Variants in CREB3L4 observed in about 807,000 individuals in gnomAD.
CREB3L4 encodes cAMP responsive element binding protein 3 like 4.
A neutral mutation model predicts 37.0 loss-of-function variants in CREB3L4; 28 were observed. The observed-to-expected ratio is 0.76, with a 90% CI of 0.56 to 1.04. The LOEUF (loss-of-function observed/expected upper bound fraction) is 1.04, where lower values mean the gene tolerates loss of function less well. Among genes scored for constraint, CREB3L4 ranks in the 50% least tolerant of loss-of-function variants. The pLI is 0.00. For synonymous variants in CREB3L4, 175 were observed against 192.2 expected, an observed-to-expected ratio of 0.91 and a Z score of 0.74; for missense variants, 462 against 486.0, an observed-to-expected ratio of 0.95 and a Z score of 0.46.
chr1:153,971,380 T>G (rs1302542467), intron 4 of CREB3L4, among the ~76,000 whole-genome samples: 3 of 151,470 alleles, frequency 2.0e-5, no homozygotes, highest in Non-Finnish European at 4.4e-5. Flanking sequence ...AAAAAAAAAG[T>G]CTGATGCCCC....
At position 153,974,129 on chromosome 1, in the gene CREB3L4, T is replaced by C. The variant is rs1350953770; in HGVS notation, c.*64T>C. ...GGAATCCTGGGCTTCCTTATGGCTTTGCTTCCCACTGGGATTCCTACTTAG... is the reference window on the plus strand; with the variant it reads ...GGAATCCTGGGCTTCCTTATGGCTTCGCTTCCCACTGGGATTCCTACTTAG... On this transcript the variant is annotated 3_prime_UTR_variant, in exon 10 of 10. Transcript: ENST00000368607. 99 of 1,492,206 alleles carry C rather than the reference T, an allele frequency of 6.6e-5. No homozygotes were observed. The highest frequency in any genetic ancestry group is 9.1e-5 in the Non-Finnish European group (99 of 1,093,874). The allele number at this position is 1,492,206 out of a possible 1,614,324, so 92.4% of individuals were successfully genotyped here.
intron 4 of CREB3L4, 111 bp from the exon 5 acceptor site, chr1:153,972,633 C>T: frequency 2.6e-6 from 2 of 780,440 alleles, no homozygotes; most frequent in Non-Finnish European, 4.2e-6. Context: ...AAAGTTGTCT[C>T]CCAGTGAGGA....
In CREB3L4 at chr1:153,972,774, G is replaced by A; in HGVS notation, c.574G>A (p.Glu192Lys). The A allele has an allele frequency of 6.2e-7, 1 of 1,613,876 alleles. No homozygotes were observed. The highest frequency in any genetic ancestry group is 2.2e-5 in the East Asian group (1 of 44,862). The change falls in exon 5 of 10, where the codon GAG becomes AAG. Residue 192 changes from glutamate (E) to lysine (K), a missense_variant. Physicochemically the swap from Glu to Lys is moderately conservative, Grantham distance 56 (BLOSUM62 1). Transcript: ENST00000368607. ...LPCQTLFLTD[E>K]EKRLLGQEGV... is the part of the protein sequence containing the mutation. ...CTGTCAAACCCTGTTCCTGACCGAT[G>A]AGGAGAAGCGTCTGCTGGGGCAGGA...
chr1:153,973,498 A>C (rs1648608015), intron 8 of CREB3L4, 34 bp downstream of exon 8: 1 of 1,593,414 alleles, frequency 6.3e-7, no homozygotes, highest in Non-Finnish European at 8.6e-7. Flanking sequence ...ATCTCCCCCC[A>C]CACTTCTATC....
chr1:153,969,547 T>G, intron 4 of CREB3L4, 92 bp downstream of exon 4: 2 of 1,468,330 alleles, frequency 1.4e-6, no homozygotes, highest in African/African-American at 1.4e-5. Context: ...AAACTGATGA[T>G]GAACTGCCTT....
Position 153,968,923 on chromosome 1 carries a change from A to G in CREB3L4, c.175-7A>G. 6.2e-7 allele frequency: 1 copy of G among 1,601,126 alleles called. No homozygotes were observed. Among genetic ancestry groups the G allele is most frequent in the Non-Finnish European group, 8.5e-7 (1 of 1,173,284 alleles). On this transcript the variant is annotated splice_polypyrimidine_tract_variant and splice_region_variant and intron_variant, in intron 2 of 9. Coordinates refer to ENST00000368607, the MANE Select transcript of CREB3L4 (RefSeq NM_001255978.2). Reference sequence around the variant, plus strand: ...CTGCACATATATATAACCTTTTCCTACTGTAGGGCCTTCAAGAGAGTGAGC... The same window carrying G: ...CTGCACATATATATAACCTTTTCCTGCTGTAGGGCCTTCAAGAGAGTGAGC...
At chr1:153,970,723 C>T (rs1358241556) in intron 4 of CREB3L4, among the ~76,000 whole-genome samples, 1 of 145,334 alleles carries the variant, frequency 6.9e-6, no homozygotes, top group Admixed American at 7.0e-5. Context: ...AGAAGCCAAG[C>T]TAAGCATCTT....
chr1:153,971,985 G>A lies in CREB3L4; in HGVS notation c.544-759G>A, dbSNP rs534939272. Among the ~76,000 whole-genome samples the A allele has an allele frequency of 1.1e-3, 169 of 152,170 alleles. 1 individual carries two copies. Among genetic ancestry groups the A allele is most frequent in the African/African-American group, 3.4e-3 (143 of 41,520 alleles). ...TTACAAGCACCCACCACCACGCCCTGCTAATTTTTGTATTTTCAATAGACA... is the reference window on the plus strand; with the variant it reads ...TTACAAGCACCCACCACCACGCCCTACTAATTTTTGTATTTTCAATAGACA... On this transcript the variant is annotated intron_variant, in intron 4 of 9. Transcript: ENST00000368607.
At chr1:153,972,616 CTAGAT>C in intron 4 of CREB3L4, 123 bp from the exon 5 acceptor site, 1 of 682,572 alleles carries the variant, frequency 1.5e-6, no homozygotes. Flanking sequence ...CACCTCACCT[CTAGAT>C]TAAAGTTGTC....
At chr1:153,971,974 C>T (rs1648422588) in intron 4 of CREB3L4, among the ~76,000 whole-genome samples, 1 of 152,130 alleles carries the variant, frequency 6.6e-6, no homozygotes, top group African/African-American at 2.4e-5. Context: ...AAGCACCCAC[C>T]ACCACGCCCT....
rs752020718 is a variant in CREB3L4, at chr1:153,974,026, T to G, written c.1149T>G (p.Ser383Arg). 1 of 1,614,082 alleles carries G rather than the reference T, an allele frequency of 6.2e-7. No homozygotes were observed. The highest frequency in any genetic ancestry group is 2.2e-5 in the East Asian group (1 of 44,868). Residue 383 changes from serine (S) to arginine (R), a missense_variant, in exon 10 of 10, where the codon AGT (serine) becomes AGG (arginine). Physicochemically the swap from Ser to Arg is moderately radical, Grantham distance 110 (BLOSUM62 -1). Coordinates refer to ENST00000368607, the MANE Select transcript of CREB3L4 (RefSeq NM_001255978.2). ...LEKMGGKPRP[S>R]GRIRSVLHAD... Reference sequence around the variant, plus strand: ...AGATGGGAGGGAAGCCAAGACCCAGTGGGCGCATCCGGTCCGTGCTGCATG... The same window carrying G: ...AGATGGGAGGGAAGCCAAGACCCAGGGGGCGCATCCGGTCCGTGCTGCATG...
At chr1:153,971,672 G>A (rs990253743) in intron 4 of CREB3L4, among the ~76,000 whole-genome samples, 1 of 147,748 alleles carries the variant, frequency 6.8e-6, no homozygotes, top group Non-Finnish European at 1.5e-5. Context: ...TGGACTGGAA[G>A]AGACACTCCT....
At position 153,969,385 on chromosome 1, in the gene CREB3L4, T is replaced by C. The variant is rs540064104; in HGVS notation, c.473T>C (p.Leu158Pro). ...CCTGATTCCTGCATGGTCAGTGAGC[T>C]GCCCTTTGATGCTCATGCCCACATC... ...MVPDSCMVSE[L>P]PFDAHAHILP... The change falls in exon 4 of 10, where the codon CTG becomes CCG. Residue 158 changes from leucine to proline, a missense_variant. Leu to Pro is a moderately conservative substitution (Grantham distance 98). Transcript: ENST00000368607. The C allele has an allele frequency of 6.2e-7, 1 of 1,614,172 alleles. No homozygotes were observed. The highest frequency in any genetic ancestry group is 1.3e-5 in the African/African-American group (1 of 75,050).
intron 1 of CREB3L4, 125 bp from the exon 2 acceptor site, chr1:153,968,397 A>G (rs1647966899): frequency 2.8e-6 from 2 of 704,862 alleles, no homozygotes; most frequent in Non-Finnish European, 4.3e-6. Context: ...GGGGCTTGCT[A>G]GTGAGGAAGG....
At chr1:153,970,093 T>A (rs1432985351) in intron 4 of CREB3L4, among the ~76,000 whole-genome samples, 1 of 151,880 alleles carries the variant, frequency 6.6e-6, no homozygotes, top group Non-Finnish European at 1.5e-5. Context: ...CATGCCTGGC[T>A]AATTTTTGTA....
At chr1:153,968,321 G>C (rs149204093) in intron 1 of CREB3L4, 157 bp downstream of exon 1, 28 of 554,686 alleles carry the variant, frequency 5.0e-5, no homozygotes, top group African/African-American at 1.5e-4. Flanking sequence ...GTAATGCTTG[G>C]GGGGGGCCTC....
At chr1:153,967,531 G>A (rs1647877352), upstream of CREB3L4, 1 of 152,240 alleles carries the variant, frequency 6.6e-6, no homozygotes, top group African/African-American at 2.4e-5. Context: ...CGCGCCTGTG[G>A]TCCTAGCTGC....
upstream of CREB3L4, chr1:153,967,811 C>G (rs1647906107): frequency 6.6e-6 from 1 of 152,192 alleles, no homozygotes; most frequent in African/African-American, 2.4e-5. Flanking sequence ...CCTAAGTCTT[C>G]AGCTTCCAAT....
Position 153,968,979 on chromosome 1 carries a change from C to T in CREB3L4, c.224C>T (p.Pro75Leu). The T allele has an allele frequency of 1.2e-6, 2 of 1,613,492 alleles. No homozygotes were observed. The highest frequency in any genetic ancestry group is 8.5e-7 in the Non-Finnish European group (1 of 1,179,512). ...PEDFLKLFID[P>L]NEVYCSEASP... ...GATTTCTTGAAGCTTTTCATTGATC[C>T]CAATGAGGTGTACTGCTCAGAAGCA... The change falls in exon 3 of 10, where the codon CCC becomes CTC. Residue 75 changes from proline (P) to leucine (L), a missense_variant. Coordinates refer to ENST00000368607, the MANE Select transcript of CREB3L4 (RefSeq NM_001255978.2).
Sources: allele counts gnomAD v4.1 joint callset (sites outside exome capture counted in the v4.1 genomes callset), GRCh38; gene constraint gnomAD v4.1.1; transcripts MANE v1.5; gene names NCBI Gene and HGNC (gene_info 2026-07-23, HGNC 2026-07-21).